CWF19L2: variants seen among roughly 807,000 people sequenced by gnomAD.
The protein encoded by CWF19L2 is CWF19-like protein 2.
In CWF19L2, 98 loss-of-function variants were observed where a neutral mutation model predicts 111.7. That is an observed-to-expected ratio of 0.88 (90% CI 0.75 to 1.04). CWF19L2 has a LOEUF of 1.04. Ranked by LOEUF, CWF19L2 falls within the 50% of genes least tolerant of loss-of-function variation. The pLI is 0.00. For missense variants in CWF19L2, 1,101 were observed against 1,051.4 expected (o/e 1.05, Z -0.65); for synonymous variants, 351 against 342.9 (o/e 1.02, Z -0.26).
intron 10 of CWF19L2, among the ~76,000 whole-genome samples, chr11:107,394,828 T>C (rs552531968): frequency 1.3e-5 from 2 of 152,198 alleles, no homozygotes; most frequent in East Asian, 1.9e-4. Flanking sequence ...TCATCACCCA[T>C]ATTGCAAAAA....
Position 107,433,702 on chromosome 11 carries a change from G to A in CWF19L2, c.712C>T (p.Leu238=). ...GGLSWLRKSY[L]RMKEQAEKQS... is the part of the protein sequence containing the mutation. ...TTCTCAGCTTGTTCCTTCATTCTTA[G>A]ATAAGATTTCCTTAGCCAGCTTAAT... The change falls in exon 7 of 18, where the codon CTA becomes TTA. Residue 238 remains leucine (L), a synonymous_variant. Coordinates refer to ENST00000282251, the MANE Select transcript of CWF19L2 (RefSeq NM_152434.3). 1.3e-6 allele frequency: 2 copies of A among 1,592,168 alleles called. No homozygotes were observed. The highest frequency in any genetic ancestry group is 2.3e-5 in the South Asian group (2 of 88,072).
chr11:107,407,790 C>A (rs1861101527), intron 10 of CWF19L2, among the ~76,000 whole-genome samples: 1 of 152,016 alleles, frequency 6.6e-6, no homozygotes, highest in Non-Finnish European at 1.5e-5. Context: ...AAAACAACTA[C>A]TCTACAATTT....
Position 107,374,141 on chromosome 11 carries a change from G to A in CWF19L2, c.1872+15933C>T, listed in dbSNP as rs1308664249. ...TATGTGAAAAGACCAAATCTACGTC[G>A]GATTGGTGTACCTGAAAGTGACGGG... On this transcript the variant is annotated intron_variant, in intron 12 of 17. Coordinates refer to ENST00000282251, the MANE Select transcript of CWF19L2 (RefSeq NM_152434.3). Among the ~76,000 whole-genome samples the A allele has an allele frequency of 3.3e-4, 44 of 134,630 alleles. 9 individuals are homozygous for A. The highest frequency in any genetic ancestry group is 6.4e-4 in the East Asian group (3 of 4,654). The allele number at this position is 134,630 out of a possible 152,430, so 88.3% of individuals were successfully genotyped here.
intron 14 of CWF19L2, among the ~76,000 whole-genome samples, chr11:107,348,339 G>C (rs1482510309): frequency 6.6e-6 from 1 of 151,920 alleles, no homozygotes; most frequent in East Asian, 1.9e-4. Context: ...GTCATTATTA[G>C]GTCTTGAAAT....
chr11:107,425,747 C>G (rs1248666692), intron 8 of CWF19L2, among the ~76,000 whole-genome samples: 1 of 151,880 alleles, frequency 6.6e-6, no homozygotes, highest in African/African-American at 2.4e-5. Flanking sequence ...TTTGCTTGCC[C>G]TTCTGGGCTA....
Position 107,329,931 on chromosome 11 carries a change from T to C in CWF19L2, c.2528A>G (p.His843Arg). 1 of 1,579,120 alleles carries C rather than the reference T, an allele frequency of 6.3e-7. No homozygotes were observed. Among genetic ancestry groups the C allele is most frequent in the Non-Finnish European group, 8.6e-7 (1 of 1,164,308 alleles). The change falls in exon 17 of 18, where the codon CAT becomes CGT. Residue 843 changes from histidine (H) to arginine (R), a missense_variant. Coordinates refer to ENST00000282251, the MANE Select transcript of CWF19L2 (RefSeq NM_152434.3). ...HVIEDQHKFP[H>R]YFGKEIIGGM... is the part of the protein sequence containing the mutation. ...TTGTAAGCCTACCTTTCCAAAGTAA[T>C]GAGGGAATTTGTGCTGATCTTCAAT...
chr11:107,360,028 G>A (rs1565252238), intron 12 of CWF19L2, among the ~76,000 whole-genome samples: 2 of 152,226 alleles, frequency 1.3e-5, no homozygotes, highest in Non-Finnish European at 2.9e-5. Flanking sequence ...GCATAGTGAT[G>A]AAGTCAGGGC....
chr11:107,397,180 G>C (rs1476363829), intron 10 of CWF19L2, among the ~76,000 whole-genome samples: 2 of 152,104 alleles, frequency 1.3e-5, no homozygotes, highest in East Asian at 3.9e-4. Flanking sequence ...GAACTCAAGG[G>C]AGGGCACAAA....
At chr11:107,454,404 A>T in intron 3 of CWF19L2, 46 bp downstream of exon 3, 1 of 1,261,122 alleles carries the variant, frequency 7.9e-7, no homozygotes, top group Non-Finnish European at 1.0e-6. Flanking sequence ...CATTCAAATA[A>T]AATGTTCTCA....
intron 16 of CWF19L2, 113 bp downstream of exon 16, chr11:107,334,768 A>C: frequency 4.1e-6 from 3 of 725,766 alleles, no homozygotes; most frequent in Non-Finnish European, 7.4e-6. Context: ...TCGAACTAGT[A>C]ATTTCGCCTT....
At chr11:107,442,556 C>G (rs1197758516) in intron 4 of CWF19L2, among the ~76,000 whole-genome samples, 1 of 150,194 alleles carries the variant, frequency 6.7e-6, no homozygotes, top group Non-Finnish European at 1.5e-5. Flanking sequence ...GGTGGGCACA[C>G]AACTGTGGTC....
intron 12 of CWF19L2, 61 bp from the exon 13 acceptor site, chr11:107,353,797 T>G: frequency 8.2e-7 from 1 of 1,226,722 alleles, no homozygotes; most frequent in South Asian, 1.3e-5. Context: ...TTTACTGCAC[T>G]GTGGTATCCT....
chr11:107,441,488 C>G lies in CWF19L2; in HGVS notation c.570+15G>C. The G allele has an allele frequency of 6.7e-7, 1 of 1,496,254 alleles. No homozygotes were observed. Among genetic ancestry groups the G allele is most frequent in the Non-Finnish European group, 8.9e-7 (1 of 1,127,714 alleles). The allele number at this position is 1,496,254 out of a possible 1,614,324, so 92.7% of individuals were successfully genotyped here. On this transcript the variant is annotated intron_variant, in intron 5 of 17. Transcript: ENST00000282251. ...GGTAAATTAGAAAGTTAAAGCATTT[C>G]AAATATTCTCTTACCTGTTCAAGCG...
intron 6 of CWF19L2, among the ~76,000 whole-genome samples, chr11:107,434,004 A>G (rs1442799434): frequency 6.7e-6 from 1 of 149,892 alleles, no homozygotes; most frequent in Non-Finnish European, 1.5e-5. Flanking sequence ...ATTGCAATCT[A>G]AGAGAATAAG....
At chr11:107,404,450 G>T in intron 10 of CWF19L2, 1 of 772,770 alleles carries the variant, frequency 1.3e-6, no homozygotes, top group Middle Eastern at 2.4e-4. Context: ...CTGGCTGTTG[G>T]CACCCGGGTT....
chr11:107,437,221 C>T (rs1237428815), intron 6 of CWF19L2, among the ~76,000 whole-genome samples: 1 of 152,118 alleles, frequency 6.6e-6, no homozygotes, highest in East Asian at 1.9e-4. Flanking sequence ...TTAATCTTCA[C>T]ATTAACTATA....
intron 14 of CWF19L2, among the ~76,000 whole-genome samples, chr11:107,342,249 A>G (rs760959146): frequency 6.6e-6 from 1 of 151,960 alleles, no homozygotes; most frequent in African/African-American, 2.4e-5. Flanking sequence ...ATTGTAATTC[A>G]ATTAGATTAT....
intron 12 of CWF19L2, among the ~76,000 whole-genome samples, chr11:107,355,439 G>GTAA (rs1565250207): frequency 2.0e-5 from 3 of 149,738 alleles, no homozygotes; most frequent in Non-Finnish European, 4.5e-5. Context: ...ACAAACAAAA[G>GTAA]CAACAACAAC....
intron 10 of CWF19L2, among the ~76,000 whole-genome samples, chr11:107,401,701 C>T (rs1241369771): frequency 6.6e-6 from 1 of 152,002 alleles, no homozygotes; most frequent in African/African-American, 2.4e-5. Context: ...CAGAATACCA[C>T]CATCACTCTT....
Sources: gnomAD v4.1 joint callset for allele counts (sites outside exome capture counted in the v4.1 genomes callset) on GRCh38, gnomAD v4.1.1 for gene constraint, MANE v1.5 for transcripts, NCBI Gene and HGNC (gene_info 2026-07-23, HGNC 2026-07-21) for gene names.